AGAP1: variants seen among roughly 807,000 people sequenced by gnomAD.
AGAP1 encodes ArfGAP with GTPase domain, ankyrin repeat and PH domain 1, also known as arf-GAP with GTPase, ANK repeat and PH domain-containing protein 1.
Under a neutral mutation model 105.3 loss-of-function variants are expected in AGAP1, and 29 were observed. That is an observed-to-expected ratio of 0.28 (90% CI 0.21 to 0.38). AGAP1 has a LOEUF of 0.38. Among genes scored for constraint, AGAP1 ranks in the 10% least tolerant of loss-of-function variants. The probability of loss-of-function intolerance (pLI) is 1.00; values close to 1 mark genes in which losing one functional copy is unlikely to be tolerated. For missense variants in AGAP1, 998 were observed against 1,165.1 expected (o/e 0.86, Z 2.09); for synonymous variants, 509 against 485.9 (o/e 1.05, Z -0.63).
In AGAP1 at chr2:235,884,772, A is replaced by T. The variant is rs184286332; in HGVS notation, c.1155+1323A>T. ...CCTGGCCTTCTTTTGAATATTTTTA[A>T]TCCATAGTTGATTGAATCTGCACAT... On this transcript the variant is annotated intron_variant, in intron 10 of 17. Transcript: ENST00000304032. Among the ~76,000 whole-genome samples, 15 of 152,210 alleles carry T rather than the reference A, an allele frequency of 9.9e-5. No homozygotes were observed. The South Asian group carries it at 2.1e-3, about 21-fold the overall frequency.
At chr2:235,745,888 G>A (rs983960673) in intron 5 of AGAP1, among the ~76,000 whole-genome samples, 16 of 152,230 alleles carry the variant, frequency 1.1e-4, no homozygotes, top group East Asian at 5.8e-4. Context: ...AGCACTTTGG[G>A]AGGCCCAGGC....
In AGAP1 at chr2:235,906,036, G is replaced by T. The variant is rs932381125; in HGVS notation, c.1156-2702G>T. Among the ~76,000 whole-genome samples, 1 of 152,192 alleles carries T rather than the reference G, an allele frequency of 6.6e-6. No homozygotes were observed. Among genetic ancestry groups the T allele is most frequent in the Admixed American group, 6.5e-5 (1 of 15,286 alleles). ...AGTCAGATTTGTTGTTCCCAGCCCA[G>T]ATACCACCCTCCCGTTACCCGAACC... On this transcript the variant is annotated intron_variant, in intron 10 of 17. Transcript: ENST00000304032. This position sits in a 1 kb window ranked among gnomAD's most constrained non-coding sequence, Gnocchi z 5.3.
chr2:235,653,470 T>TAAATAAAATAAAATA (rs749611997), intron 1 of AGAP1, among the ~76,000 whole-genome samples: 65 of 143,530 alleles, frequency 4.5e-4, no homozygotes, highest in African/African-American at 1.7e-3. Flanking sequence ...ATCTCAAAAA[T>TAAATAAAATAAAATA]AAATAAAATA....
At position 236,058,015 on chromosome 2, in the gene AGAP1, A is replaced by G. The variant is rs1026660375; in HGVS notation, c.2114+8734A>G. Among the ~76,000 whole-genome samples the G allele has an allele frequency of 6.6e-6, 1 of 152,078 alleles. No individual in the cohort carries two copies. Among genetic ancestry groups the G allele is most frequent in the African/African-American group, 2.4e-5 (1 of 41,390 alleles). ...CCCATGTTTATTTTGCTTTGTATGTATATAATGGTTTATTGCAGCATCAGT... is the reference window on the plus strand; with the variant it reads ...CCCATGTTTATTTTGCTTTGTATGTGTATAATGGTTTATTGCAGCATCAGT... On this transcript the variant is annotated intron_variant, in intron 16 of 17. Coordinates refer to ENST00000304032, the MANE Select transcript of AGAP1 (RefSeq NM_001037131.3). This position sits in a 1 kb window ranked among gnomAD's most constrained non-coding sequence, Gnocchi z 4.6.
At chr2:235,543,314 G>A (rs1243244696) in intron 1 of AGAP1, among the ~76,000 whole-genome samples, 2 of 152,192 alleles carry the variant, frequency 1.3e-5, no homozygotes, top group Admixed American at 1.3e-4. Flanking sequence ...CTAGTCGGAA[G>A]GTACCCGTTG....
chr2:235,661,197 T>C (rs1947936914), intron 1 of AGAP1, among the ~76,000 whole-genome samples: 1 of 151,934 alleles, frequency 6.6e-6, no homozygotes, highest in South Asian at 2.1e-4. Flanking sequence ...CTTCGGGTAG[T>C]TCAGACAGAT....
intron 6 of AGAP1, among the ~76,000 whole-genome samples, chr2:235,756,753 G>A (rs1170290614): frequency 1.3e-5 from 2 of 152,146 alleles, no homozygotes; most frequent in Non-Finnish European, 2.9e-5. Flanking sequence ...CTAGGAGCAC[G>A]AGCCCTGTTG....
At chr2:235,760,653 A>G (rs951190691) in intron 6 of AGAP1, among the ~76,000 whole-genome samples, 18 of 152,224 alleles carry the variant, frequency 1.2e-4, no homozygotes, top group African/African-American at 4.3e-4. Context: ...TGATGCCATC[A>G]TAGCTCACTG....
intron 9 of AGAP1, among the ~76,000 whole-genome samples, chr2:235,881,045 C>T (rs752086270): frequency 6.6e-6 from 1 of 152,152 alleles, no homozygotes; most frequent in Non-Finnish European, 1.5e-5. Flanking sequence ...GCCACGTTTC[C>T]GTTAATAAGA....
intron 9 of AGAP1, among the ~76,000 whole-genome samples, chr2:235,821,347 C>G (rs1453121578): frequency 6.7e-6 from 1 of 150,282 alleles, no homozygotes; most frequent in Non-Finnish European, 1.5e-5. Flanking sequence ...AACGCAGTAA[C>G]AAGTGAACTG....
rs1410196186 is a variant in AGAP1 at position 235,888,678 on chromosome 2, T to C, written c.1155+5229T>C. ...TATGATCGTGCCACTGCACTCCAGC[T>C]TGGGCGACCATGCAAGACCCTGTCT... On this transcript the variant is annotated intron_variant, in intron 10 of 17. Transcript: ENST00000304032. The surrounding 1 kb of genome is among the most constrained non-coding windows in gnomAD (Gnocchi z 4.8). Among the ~76,000 whole-genome samples, 2 of 151,860 alleles carry C rather than the reference T, an allele frequency of 1.3e-5. No individual in the cohort carries two copies. Among genetic ancestry groups the C allele is most frequent in the East Asian group, 1.9e-4 (1 of 5,154 alleles).
At chr2:236,091,606 T>C (rs1189553101) in intron 16 of AGAP1, among the ~76,000 whole-genome samples, 1 of 151,984 alleles carries the variant, frequency 6.6e-6, no homozygotes, top group Non-Finnish European at 1.5e-5. Flanking sequence ...ATTCCGTCTC[T>C]ACAAAAAAAT....
In AGAP1 at chr2:235,882,076, G is replaced by A. The variant is rs1464276062; in HGVS notation, c.1051-1269G>A. Reference sequence around the variant, plus strand: ...GTTTTTGTTTTGTTTTGTTTTGGTGGGTTTTTTTGTGTTTGGTTGTTTTTG... The same window carrying A: ...GTTTTTGTTTTGTTTTGTTTTGGTGAGTTTTTTTGTGTTTGGTTGTTTTTG... On this transcript the variant is annotated intron_variant, in intron 9 of 17. Coordinates refer to ENST00000304032, the MANE Select transcript of AGAP1 (RefSeq NM_001037131.3). The surrounding 1 kb of genome is among the most constrained non-coding windows in gnomAD (Gnocchi z 4.6). Among the ~76,000 whole-genome samples the A allele has an allele frequency of 6.6e-6, 1 of 151,940 alleles. No individual in the cohort carries two copies. The highest frequency in any genetic ancestry group is 6.6e-5 in the Admixed American group (1 of 15,242).
chr2:235,781,675 A>G (rs564446191), intron 6 of AGAP1, among the ~76,000 whole-genome samples: 17 of 152,358 alleles, frequency 1.1e-4, no homozygotes, highest in Non-Finnish European at 2.1e-4. Context: ...TAAGCCAAAC[A>G]GTATCCAGTG....
chr2:235,967,381 C>T lies in AGAP1; in HGVS notation c.1484-1081C>T, dbSNP rs571416965. 5.9e-5 allele frequency among the ~76,000 whole-genome samples: 9 copies of T among 152,298 alleles called. No homozygotes were observed. The East Asian group carries it at 9.6e-4, about 16-fold the overall frequency. The stretch of plus-strand genomic sequence containing the variant: ...AGCCTTGATGCCCCGCGTTCCTATT[C>T]GGTCTTTCCCATAACTCTTACCAGC... On this transcript the variant is annotated intron_variant, in intron 12 of 17. Transcript: ENST00000304032. This position sits in a 1 kb window ranked among gnomAD's most constrained non-coding sequence, Gnocchi z 4.7.
intron 4 of AGAP1, among the ~76,000 whole-genome samples, chr2:235,743,567 A>G (rs1575294959): frequency 6.6e-6 from 1 of 151,966 alleles, no homozygotes; most frequent in Non-Finnish European, 1.5e-5. Context: ...TCAAGTCCTC[A>G]TTCTCATTTA....
Position 235,768,974 on chromosome 2 carries a change from G to T in AGAP1, c.673+18486G>T, listed in dbSNP as rs139960763. ...CTCAGAAATAGGATTCCTGATGACA[G>T]ACCTTAGCAAATATTCCAATAATTA... On this transcript the variant is annotated intron_variant, in intron 6 of 17. Coordinates refer to ENST00000304032, the MANE Select transcript of AGAP1 (RefSeq NM_001037131.3). Among the ~76,000 whole-genome samples, 374 of 152,314 alleles carry T rather than the reference G, an allele frequency of 2.5e-3. 1 individual carries two copies. Among genetic ancestry groups the T allele is most frequent in the African/African-American group, 8.7e-3 (363 of 41,572 alleles).
intron 16 of AGAP1, among the ~76,000 whole-genome samples, chr2:236,060,678 G>C (rs2058166687): frequency 1.3e-5 from 2 of 152,084 alleles, no homozygotes; most frequent in African/African-American, 2.4e-5. Flanking sequence ...CTGGGCCGCA[G>C]AGTGAGACCC....
At chr2:235,966,439 T>A (rs2054401983) in intron 12 of AGAP1, among the ~76,000 whole-genome samples, 1 of 152,000 alleles carries the variant, frequency 6.6e-6, no homozygotes, top group South Asian at 2.1e-4. Flanking sequence ...ACAGCCAGAT[T>A]TCTGCCATTG....
Sources: gnomAD v4.1 joint callset for allele counts (sites outside exome capture counted in the v4.1 genomes callset) on GRCh38, gnomAD v4.1.1 for gene constraint, Gnocchi (gnomAD v3.1) non-coding constraint, MANE v1.5 for transcripts, NCBI Gene and HGNC (gene_info 2026-07-23, HGNC 2026-07-21) for gene names.